SLC6A16: variants seen among roughly 807,000 people sequenced by gnomAD.
SLC6A16 encodes the protein orphan sodium- and chloride-dependent neurotransmitter transporter NTT5.
SLC6A16 carries 54 observed loss-of-function variants against 65.4 expected under a neutral mutation model. The observed-to-expected ratio is 0.83, with a 90% CI of 0.66 to 1.04. The LOEUF (loss-of-function observed/expected upper bound fraction) is 1.04, where lower values mean the gene tolerates loss of function less well. SLC6A16 is among the 50% of genes least tolerant of loss of function. SLC6A16 has a pLI of 0.00. For missense variants in SLC6A16, 816 were observed against 914.0 expected (o/e 0.89, Z 1.38); for synonymous variants, 330 against 346.5 (o/e 0.95, Z 0.53).
At chr19:49,327,915 A>G (rs561690328), upstream of SLC6A16, among the ~76,000 whole-genome samples, 1 of 152,342 alleles carries the variant, frequency 6.6e-6, no homozygotes, top group Admixed American at 6.5e-5. Flanking sequence ...GTGATTGAGG[A>G]AAGGGTAGCA....
At chr19:49,312,561 C>A (rs894583077) in intron 1 of SLC6A16, 1 of 985,022 alleles carries the variant, frequency 1.0e-6, no homozygotes, top group Non-Finnish European at 1.2e-6. Flanking sequence ...TCCCGCCACT[C>A]TGAACTTCTG....
chr19:49,301,017 C>T (rs928127901), intron 7 of SLC6A16, among the ~76,000 whole-genome samples: 1 of 152,090 alleles, frequency 6.6e-6, no homozygotes, highest in African/African-American at 2.4e-5. Context: ...GGCCACTGCA[C>T]TCCAGCCTGG....
chr19:49,337,367 C>T, the SLC6A16 span: 10 of 818,040 alleles, frequency 1.2e-5, no homozygotes, highest in East Asian at 2.7e-5. Context: ...TGGTGGCTCA[C>T]GCCTGTAATC....
chr19:49,326,067 G>A (rs1332593428), upstream of SLC6A16, among the ~76,000 whole-genome samples: 1 of 151,764 alleles, frequency 6.6e-6, no homozygotes, highest in Admixed American at 6.6e-5. Flanking sequence ...CTACTCGGGA[G>A]CCTGAGGCAG....
chr19:49,307,739 AG>A (rs1970423726), intron 7 of SLC6A16, among the ~76,000 whole-genome samples: 3 of 117,838 alleles, frequency 2.5e-5, no homozygotes, highest in Admixed American at 9.1e-5. Context: ...AAAAAGAAAA[AG>A]AAAAAAAAGA....
At position 49,290,612 on chromosome 19, in the gene SLC6A16, G is replaced by A; in HGVS notation, c.1934C>T (p.Ser645Leu). Reference sequence around the variant, plus strand: ...GTCCTGGGGGAGGCTCACGGTGCTTGAGTCCCAGGACATGTAGGTGATCGG... The same window carrying A: ...GTCCTGGGGGAGGCTCACGGTGCTTAAGTCCCAGGACATGTAGGTGATCGG... ...MKPITYMSWD[S>L]STSKEVLRPY... Residue 645 changes from serine to leucine, a missense_variant, in exon 11 of 12, where the codon TCA becomes TTA. Physicochemically the swap from Ser to Leu is moderately radical, Grantham distance 145. Coordinates refer to ENST00000335875, the MANE Select transcript of SLC6A16 (RefSeq NM_014037.3). The A allele has an allele frequency of 6.2e-7, 1 of 1,614,080 alleles. No homozygotes were observed. Among genetic ancestry groups the A allele is most frequent in the Non-Finnish European group, 8.5e-7 (1 of 1,179,974 alleles).
chr19:49,315,255 A>G (rs1238051300), intron 1 of SLC6A16, among the ~76,000 whole-genome samples: 1 of 152,178 alleles, frequency 6.6e-6, no homozygotes, highest in Non-Finnish European at 1.5e-5. Context: ...TTTCCCAGCA[A>G]CTTGTGGGAA....
rs1254638053 is a variant in SLC6A16 at position 49,293,298 on chromosome 19, T to C, written c.1703A>G (p.Tyr568Cys). 6 of 1,614,092 alleles carry C rather than the reference T, an allele frequency of 3.7e-6. No homozygotes were observed. In the South Asian group the frequency reaches 6.6e-5, roughly 18 times the overall value. ...GACGATGATGGGGAAGACTATCCAG[T>C]AGTCACTCAGCAGTCTGATGAAGTA... is the stretch of plus-strand genomic sequence containing the variant. The part of the protein sequence containing the change: ...GSYFIRLLSD[Y>C]WIVFPIIVVV... Residue 568 changes from tyrosine (Y) to cysteine (C), a missense_variant, in exon 10 of 12, where the codon TAC (tyrosine) becomes TGC (cysteine). Transcript: ENST00000335875.
intron 1 of SLC6A16, among the ~76,000 whole-genome samples, chr19:49,313,504 G>C (rs988895619): frequency 3.3e-5 from 5 of 151,694 alleles, no homozygotes; most frequent in African/African-American, 1.2e-4. Context: ...ATACGGCCAG[G>C]CATGGTGATT....
the SLC6A16 span, chr19:49,336,996 TG>T: frequency 6.2e-7 from 1 of 1,613,918 alleles, no homozygotes; most frequent in Non-Finnish European, 8.5e-7. Context: ...CTGGGTTGTG[TG>T]GGGGCCCTCA....
intron 11 of SLC6A16, 60 bp downstream of exon 11, chr19:49,290,545 G>A (rs779059529): frequency 8.8e-6 from 14 of 1,589,172 alleles, no homozygotes; most frequent in Non-Finnish European, 1.2e-5. Flanking sequence ...TTCACCCAGA[G>A]TGAATTGAAA....
At chr19:49,302,255 C>G (rs533902274) in intron 7 of SLC6A16, among the ~76,000 whole-genome samples, 2 of 152,340 alleles carry the variant, frequency 1.3e-5, no homozygotes, top group Non-Finnish European at 2.9e-5. Context: ...CCAGCCTCCA[C>G]TGCTGCGAGT....
At chr19:49,293,185 G>T (rs1390916099) in intron 10 of SLC6A16, 38 bp downstream of exon 10, 2 of 1,609,690 alleles carry the variant, frequency 1.2e-6, no homozygotes, top group Admixed American at 1.7e-5. Flanking sequence ...CTTCCCTATA[G>T]TCCCATGCTT....
At chr19:49,332,850 G>GT in the SLC6A16 span, among the ~76,000 whole-genome samples, 1 of 152,106 alleles carries the variant, frequency 6.6e-6, no homozygotes, top group Admixed American at 6.5e-5. Context: ...GCAGAGAGGC[G>GT]TTGGTGGTGG....
At chr19:49,338,909 C>G in the SLC6A16 span, 1 of 1,613,696 alleles carries the variant, frequency 6.2e-7, no homozygotes, top group Non-Finnish European at 8.5e-7. This position sits in a 1 kb window ranked among gnomAD's most constrained non-coding sequence, Gnocchi z 5.0. Flanking sequence ...TCTGCGCTGT[C>G]CCTGCAGAGA....
chr19:49,339,731 G>T, the SLC6A16 span: 1 of 1,401,054 alleles, frequency 7.1e-7, no homozygotes, highest in African/African-American at 1.4e-5. This position sits in a 1 kb window ranked among gnomAD's most constrained non-coding sequence, Gnocchi z 4.5. Flanking sequence ...CACGTGCCGG[G>T]CGCTGGGGAT....
At chr19:49,303,647 T>G (rs1471908915) in intron 7 of SLC6A16, among the ~76,000 whole-genome samples, 3 of 134,918 alleles carry the variant, frequency 2.2e-5, no homozygotes, top group African/African-American at 8.1e-5. Flanking sequence ...AGTGTGAGAC[T>G]GTCTCAAAAA....
chr19:49,310,253 G>T, intron 3 of SLC6A16, 87 bp from the exon 4 acceptor site: 3 of 1,604,694 alleles, frequency 1.9e-6, no homozygotes, highest in Non-Finnish European at 2.6e-6. Context: ...GAACCAAAGG[G>T]ATCTGACCCA....
chr19:49,335,670 CT>C, the SLC6A16 span: 1 of 1,611,110 alleles, frequency 6.2e-7, no homozygotes, highest in Non-Finnish European at 8.5e-7. The surrounding 1 kb of genome is among the most constrained non-coding windows in gnomAD (Gnocchi z 4.6). Flanking sequence ...CAGCCCTCAT[CT>C]TCCCCTGTGG....
Sources: gnomAD v4.1 joint callset for allele counts (sites outside exome capture counted in the v4.1 genomes callset) on GRCh38, gnomAD v4.1.1 for gene constraint, Gnocchi (gnomAD v3.1) non-coding constraint, MANE v1.5 for transcripts, NCBI Gene and HGNC (gene_info 2026-07-23, HGNC 2026-07-21) for gene names.